Variants in TUBA1C observed in about 807,000 individuals in gnomAD.
TUBA1C encodes the protein tubulin alpha 1c, also known as tubulin alpha-1C chain.
Under a neutral mutation model 34.9 loss-of-function variants are expected in TUBA1C, and 16 were observed. The observed-to-expected ratio is 0.46, with a 90% CI of 0.31 to 0.70. The LOEUF (loss-of-function observed/expected upper bound fraction) is 0.70. Ranked by LOEUF, TUBA1C falls within the 30% of genes least tolerant of loss-of-function variation. TUBA1C has a pLI of 0.05. For missense variants in TUBA1C, 329 were observed against 587.3 expected, an observed-to-expected ratio of 0.56 and a Z score of 4.55; for synonymous variants, 177 against 215.9, an observed-to-expected ratio of 0.82 and a Z score of 1.58.
chr12:49,228,629 A>G (rs1942463652), intron 1 of TUBA1C, among the ~76,000 whole-genome samples: 1 of 152,202 alleles, frequency 6.6e-6, no homozygotes, highest in Admixed American at 6.6e-5. Context: ...AAATTACAAG[A>G]GGCCTGTTAT....
At position 49,269,773 on chromosome 12, in the gene TUBA1C, C is replaced by A; in HGVS notation, c.227-55C>A. 4 of 1,613,612 alleles carry A rather than the reference C, an allele frequency of 2.5e-6. No individual in the cohort carries two copies. In the East Asian group the frequency reaches 8.9e-5, roughly 36 times the overall value. On this transcript the variant is annotated intron_variant, in intron 2 of 3. Coordinates refer to ENST00000301072, the MANE Select transcript of TUBA1C (RefSeq NM_032704.5). ...GGGGGGGCTCCGCTGGTCACTCACC[C>A]ACTCTCCCTCCCCGCTCCTTGTCCC... is the stretch of plus-strand genomic sequence containing the variant.
chr12:49,240,560 C>A (rs1942604523), intron 1 of TUBA1C, among the ~76,000 whole-genome samples: 1 of 152,068 alleles, frequency 6.6e-6, no homozygotes, highest in Non-Finnish European at 1.5e-5. Context: ...GTTGGCAGCA[C>A]CTCCAAGTTC....
chr12:49,236,860 A>G (rs1942560073), intron 1 of TUBA1C, among the ~76,000 whole-genome samples: 1 of 152,234 alleles, frequency 6.6e-6, no homozygotes, highest in African/African-American at 2.4e-5. Context: ...AAGGAACAGT[A>G]TTTGATACAG....
At chr12:49,243,281 T>C (rs1482240380) in intron 1 of TUBA1C, among the ~76,000 whole-genome samples, 2 of 152,012 alleles carry the variant, frequency 1.3e-5, no homozygotes, top group African/African-American at 4.8e-5. Flanking sequence ...ACCCCATCTC[T>C]ACTAAAAATA....
upstream of TUBA1C, among the ~76,000 whole-genome samples, chr12:49,263,690 G>A (rs948667106): frequency 6.6e-6 from 1 of 152,080 alleles, no homozygotes; most frequent in African/African-American, 2.4e-5. Flanking sequence ...AGATGGTCAA[G>A]GAATTCATGA....
At chr12:49,245,846 G>T (rs1418620359) in intron 1 of TUBA1C, among the ~76,000 whole-genome samples, 2 of 152,192 alleles carry the variant, frequency 1.3e-5, no homozygotes, top group Non-Finnish European at 2.9e-5. Flanking sequence ...GCATCTTCCT[G>T]TCTAAACTTC....
upstream of TUBA1C, among the ~76,000 whole-genome samples, chr12:49,260,326 C>G (rs986798194): frequency 3.3e-5 from 5 of 152,088 alleles, no homozygotes; most frequent in African/African-American, 1.2e-4. Context: ...TTCAGTTAGT[C>G]ACCGAGGAAG....
upstream of TUBA1C, chr12:49,264,882 T>G (rs1233429908): frequency 1.9e-5 from 3 of 155,024 alleles, no homozygotes; most frequent in Admixed American, 8.0e-5. Context: ...TTCCTGCTCC[T>G]GGCTCCTTCC....
chr12:49,266,651 C>T (rs1054097606), intron 1 of TUBA1C, among the ~76,000 whole-genome samples: 1 of 152,060 alleles, frequency 6.6e-6, no homozygotes, highest in Non-Finnish European at 1.5e-5. Flanking sequence ...GAGGTCGAGA[C>T]CAGCCTGGGC....
intron 1 of TUBA1C, among the ~76,000 whole-genome samples, chr12:49,247,357 G>C (rs1264717092): frequency 1.4e-5 from 2 of 148,050 alleles, no homozygotes; most frequent in Non-Finnish European, 3.0e-5. Context: ...AGGAGTTCAA[G>C]ACCAGCCTGA....
In TUBA1C at chr12:49,239,646, G is replaced by GA. The variant is rs879574051; in HGVS notation, c.213+11494dup. Among the ~76,000 whole-genome samples the GA allele has an allele frequency of 8.9e-3, 1,038 of 116,012 alleles. 8 individuals carry two copies. The highest frequency in any genetic ancestry group is 0.011 in the African/African-American group (346 of 32,000). The allele number at this position is 116,012 out of a possible 152,430, so 76.1% of individuals were successfully genotyped here. A position where few individuals can be genotyped will look rare whatever the true frequency, so the allele number is the denominator to read the frequency against. ...ACAGAGTAAGACTCTGTCTCAAAAA[G>GA]AAAAAAAAAAAAAAGAAATAAATTG... On this transcript the variant is annotated intron_variant, in intron 1 of 3. Coordinates refer to the TUBA1C transcript ENST00000541364.
intron 1 of TUBA1C, among the ~76,000 whole-genome samples, chr12:49,235,151 T>C (rs994964717): frequency 2.0e-5 from 3 of 150,790 alleles, no homozygotes; most frequent in Non-Finnish European, 4.4e-5. Context: ...GATTGCGTAA[T>C]CAAAAAGTCT....
intron 1 of TUBA1C, among the ~76,000 whole-genome samples, chr12:49,235,869 G>C (rs1379825123): frequency 6.6e-6 from 1 of 152,134 alleles, no homozygotes. Context: ...GCTGGTCTCT[G>C]AGGAAAACCT....
chr12:49,270,215 G>A (rs1172532631), intron 3 of TUBA1C: 13 of 712,972 alleles, frequency 1.8e-5, no homozygotes, highest in Non-Finnish European at 3.1e-5. Flanking sequence ...CCCTTTTGAG[G>A]TCATCTTAGT....
rs528857357 is a variant in TUBA1C, at chr12:49,270,895, C to T, written c.375+919C>T. ...TAGGGAGGCTGAGGCAGGAGAATGG[C>T]GTGAACACGGGAGGCGGAGCTTGCA... is the stretch of plus-strand genomic sequence containing the variant. On this transcript the variant is annotated intron_variant, in intron 3 of 3. Transcript: ENST00000301072. 8.5e-5 allele frequency among the ~76,000 whole-genome samples: 13 copies of T among 152,198 alleles called. No homozygotes were observed. The South Asian group carries it at 1.9e-3, about 22-fold the overall frequency.
At chr12:49,232,610 CTT>C (rs1479405171) in intron 1 of TUBA1C, among the ~76,000 whole-genome samples, 1 of 152,150 alleles carries the variant, frequency 6.6e-6, no homozygotes, top group African/African-American at 2.4e-5. Context: ...AAAAATATCA[CTT>C]ATAATGTAGA....
intron 1 of TUBA1C, chr12:49,233,361 C>T (rs1006505434): frequency 6.6e-6 from 1 of 152,246 alleles, no homozygotes; most frequent in African/African-American, 2.4e-5. Context: ...TTCCTGGATC[C>T]GGGCCCTGAT....
At chr12:49,267,928 A>C (rs772516668) in intron 1 of TUBA1C, among the ~76,000 whole-genome samples, 2 of 152,172 alleles carry the variant, frequency 1.3e-5, no homozygotes, top group Non-Finnish European at 2.9e-5. Flanking sequence ...GAAATGCCAA[A>C]CACCCTTTTT....
chr12:49,228,190 T>C (rs766686284), intron 1 of TUBA1C: 22 of 1,533,240 alleles, frequency 1.4e-5, no homozygotes, highest in Admixed American at 2.0e-5. Flanking sequence ...AGTAATGTAA[T>C]GTAAATAGCT....
Sources: gnomAD v4.1 joint callset for allele counts (sites outside exome capture counted in the v4.1 genomes callset) on GRCh38, gnomAD v4.1.1 for gene constraint, MANE v1.5 for transcripts, NCBI Gene and HGNC (gene_info 2026-07-23, HGNC 2026-07-21) for gene names.